Variants in EBF1 observed in about 807,000 individuals in gnomAD.
EBF1 encodes transcription factor COE1.
EBF1 carries 10 observed loss-of-function variants against 68.4 expected under a neutral mutation model. The observed-to-expected ratio is 0.15, with a 90% CI of 0.09 to 0.25. The LOEUF (loss-of-function observed/expected upper bound fraction) is 0.25. EBF1 is among the 10% of genes least tolerant of loss of function. EBF1 has a pLI of 1.00. For missense variants in EBF1, 509 were observed against 794.4 expected, an observed-to-expected ratio of 0.64 and a Z score of 4.32; for synonymous variants, 298 against 299.8, an observed-to-expected ratio of 0.99 and a Z score of 0.06.
Position 159,058,807 on chromosome 5 carries a change from T to C in EBF1, c.554+14589A>G, listed in dbSNP as rs543610020. On this transcript the variant is annotated intron_variant, in intron 6 of 15. Coordinates refer to ENST00000313708, the MANE Select transcript of EBF1 (RefSeq NM_024007.5). ...TCTTAGTGCTTGAATTCGTAATTCA[T>C]ACCCTTGTTTTGAATTCCCACTACC... 1.2e-4 allele frequency among the ~76,000 whole-genome samples: 19 copies of C among 152,370 alleles called. No homozygotes were observed. In the South Asian group the frequency reaches 3.7e-3, roughly 30 times the overall value.
intron 6 of EBF1, among the ~76,000 whole-genome samples, chr5:158,964,406 G>A (rs1313653220): frequency 3.3e-5 from 5 of 152,098 alleles, no homozygotes; most frequent in African/African-American, 4.8e-5. Flanking sequence ...ACAGCAAACC[G>A]AGTAGGGTTA....
At chr5:159,073,500 T>C in intron 5 of EBF1, 36 bp from the exon 6 acceptor site, 20 of 1,611,528 alleles carry the variant, frequency 1.2e-5, no homozygotes, top group Non-Finnish European at 1.6e-5. Context: ...AGTACAACCA[T>C]TACAATGTAA....
intron 8 of EBF1, among the ~76,000 whole-genome samples, chr5:158,797,501 TA>T (rs1561954761): frequency 6.6e-6 from 1 of 152,194 alleles, no homozygotes; most frequent in Non-Finnish European, 1.5e-5. Flanking sequence ...ATAAAAAGTT[TA>T]TTAAGTATCC....
At chr5:159,030,741 AT>A (rs1442157466) in intron 6 of EBF1, among the ~76,000 whole-genome samples, 1 of 152,232 alleles carries the variant, frequency 6.6e-6, no homozygotes, top group Non-Finnish European at 1.5e-5. Context: ...GAAAAGGTGA[AT>A]TTAAGCCCAC....
chr5:158,768,337 T>C (rs1247212001), intron 10 of EBF1, among the ~76,000 whole-genome samples: 3 of 152,228 alleles, frequency 2.0e-5, no homozygotes, highest in African/African-American at 4.8e-5. Context: ...TTTAAATTCA[T>C]AACTCCCTGA....
chr5:158,810,384 C>T (rs1782433279), intron 8 of EBF1, among the ~76,000 whole-genome samples: 2 of 152,202 alleles, frequency 1.3e-5, no homozygotes, highest in Admixed American at 6.5e-5. Context: ...TTTGTACCAA[C>T]TACGTTCATT....
chr5:158,725,864 C>T (rs939657501), intron 11 of EBF1, among the ~76,000 whole-genome samples: 6 of 152,106 alleles, frequency 3.9e-5, no homozygotes, highest in Non-Finnish European at 5.9e-5. Context: ...CTTAATATGT[C>T]GGCTGTGTGA....
intron 6 of EBF1, among the ~76,000 whole-genome samples, chr5:158,848,003 G>T (rs1398628735): frequency 6.6e-6 from 1 of 152,200 alleles, no homozygotes; most frequent in Non-Finnish European, 1.5e-5. Context: ...CATAAAAAAT[G>T]AGGCAGAAGG....
chr5:158,926,477 G>A (rs1442993070), intron 6 of EBF1, among the ~76,000 whole-genome samples: 1 of 152,100 alleles, frequency 6.6e-6, no homozygotes, highest in Admixed American at 6.5e-5. Flanking sequence ...TGTAATCCCA[G>A]CACTTTGGGA....
At chr5:159,091,748 G>A (rs1007894231) in intron 4 of EBF1, among the ~76,000 whole-genome samples, 14 of 152,148 alleles carry the variant, frequency 9.2e-5, no homozygotes, top group African/African-American at 2.7e-4. Context: ...AATATATCAA[G>A]AAGTCTAGCT....
At chr5:158,932,546 G>T (rs1330577749) in intron 6 of EBF1, among the ~76,000 whole-genome samples, 2 of 152,048 alleles carry the variant, frequency 1.3e-5, no homozygotes, top group East Asian at 3.8e-4. Flanking sequence ...TTTGTAAAAA[G>T]TATTCATTTT....
intron 6 of EBF1, among the ~76,000 whole-genome samples, chr5:159,050,997 T>C (rs1773506837): frequency 6.6e-6 from 1 of 152,124 alleles, no homozygotes; most frequent in African/African-American, 2.4e-5. Flanking sequence ...CCCAGGGTTT[T>C]CAGTGTGGCT....
chr5:158,783,439 T>C (rs1294412991), intron 9 of EBF1, among the ~76,000 whole-genome samples: 1 of 152,212 alleles, frequency 6.6e-6, no homozygotes, highest in Non-Finnish European at 1.5e-5. Flanking sequence ...TCTGTATGCT[T>C]CTCTGAATTC....
intron 6 of EBF1, among the ~76,000 whole-genome samples, chr5:158,888,562 C>A (rs865922927): frequency 5.9e-5 from 9 of 152,034 alleles, no homozygotes; most frequent in Admixed American, 3.3e-4. Flanking sequence ...ATGACTATAT[C>A]TTTTCAATTT....
chr5:158,778,168 T>C (rs1775694930), intron 9 of EBF1, among the ~76,000 whole-genome samples: 4 of 152,164 alleles, frequency 2.6e-5, no homozygotes, highest in Admixed American at 2.6e-4. Context: ...GAATGATCAC[T>C]GGTCCATTAT....
At chr5:158,760,128 C>T (rs577183109) in intron 10 of EBF1, among the ~76,000 whole-genome samples, 2 of 152,128 alleles carry the variant, frequency 1.3e-5, no homozygotes, top group South Asian at 2.1e-4. Flanking sequence ...AATAAATTCA[C>T]GGTTATCACA....
At chr5:158,875,396 C>T (rs944749934) in intron 6 of EBF1, among the ~76,000 whole-genome samples, 1 of 152,122 alleles carries the variant, frequency 6.6e-6, no homozygotes, top group Non-Finnish European at 1.5e-5. Context: ...AAACTGAAAC[C>T]AGTGTCACTT....
intron 6 of EBF1, among the ~76,000 whole-genome samples, chr5:158,963,433 C>A (rs987127854): frequency 2.6e-5 from 4 of 152,220 alleles, no homozygotes; most frequent in Admixed American, 1.3e-4. Flanking sequence ...CGACATGCCA[C>A]AATTCAAGCT....
chr5:158,873,502 T>C (rs970843201), intron 6 of EBF1, among the ~76,000 whole-genome samples: 2 of 152,230 alleles, frequency 1.3e-5, no homozygotes, highest in African/African-American at 2.4e-5. Flanking sequence ...CTGACTCATT[T>C]CCTTTTATCC....
Sources: gnomAD v4.1 joint callset for allele counts (sites outside exome capture counted in the v4.1 genomes callset) on GRCh38, gnomAD v4.1.1 for gene constraint, MANE v1.5 for transcripts, NCBI Gene and HGNC (gene_info 2026-07-23, HGNC 2026-07-21) for gene names.